FHIT: variants seen among roughly 807,000 people sequenced by gnomAD.
FHIT encodes fragile histidine triad diadenosine triphosphatase, also known as bis(5'-adenosyl)-triphosphatase.
Under a neutral mutation model 17.9 loss-of-function variants are expected in FHIT, and 19 were observed. The ratio of observed to expected loss-of-function variants is 1.06; its 90% CI spans 0.74 to 1.56. The LOEUF is 1.56. Ranked by LOEUF, FHIT falls within the 40% of genes most tolerant of loss-of-function variation. The pLI, the probability that FHIT is intolerant of heterozygous loss-of-function variation, is 0.00. For synonymous variants in FHIT, 81 were observed against 69.7 expected, an observed-to-expected ratio of 1.16 and a Z score of -0.81; for missense variants, 248 against 189.2, an observed-to-expected ratio of 1.31 and a Z score of -1.82.
chr3:60,031,448 C>T lies in FHIT; in HGVS notation c.104-17296G>A, dbSNP rs1002425627. Among the ~76,000 whole-genome samples, 11 of 152,226 alleles carry T rather than the reference C, an allele frequency of 7.2e-5. No homozygotes were observed. The South Asian group carries it at 1.0e-3, about 14-fold the overall frequency. On this transcript the variant is annotated intron_variant, in intron 5 of 9. Coordinates refer to ENST00000492590, the MANE Select transcript of FHIT (RefSeq NM_002012.4). ...CAACTAGTAAATGGTAGAACAGAAT[C>T]TGAATCCAGCATATGACCTGTGGAG...
intron 8 of FHIT, among the ~76,000 whole-genome samples, chr3:59,837,414 T>G (rs372913777): frequency 2.6e-4 from 40 of 152,220 alleles, no homozygotes; most frequent in Admixed American, 2.2e-3. Context: ...TATACTTTAT[T>G]GTTTAGGGAA....
At chr3:60,298,748 T>C (rs1377748549) in intron 5 of FHIT, among the ~76,000 whole-genome samples, 1 of 152,180 alleles carries the variant, frequency 6.6e-6, no homozygotes, top group East Asian at 1.9e-4. Context: ...AGCCTGCTAA[T>C]GTGTATGAAA....
intron 4 of FHIT, among the ~76,000 whole-genome samples, chr3:60,737,019 A>G (rs2042146879): frequency 6.6e-6 from 1 of 152,248 alleles, no homozygotes; most frequent in Non-Finnish European, 1.5e-5. Context: ...ATTTTCCCAG[A>G]TCACTTAGCT....
chr3:61,233,024 T>C (rs1269214481), intron 1 of FHIT, among the ~76,000 whole-genome samples: 2 of 152,198 alleles, frequency 1.3e-5, no homozygotes, highest in African/African-American at 2.4e-5. Context: ...GATGAGGGTA[T>C]GAGAAGAGGA....
chr3:60,474,903 G>A (rs1245965359), intron 5 of FHIT, among the ~76,000 whole-genome samples: 3 of 152,094 alleles, frequency 2.0e-5, no homozygotes, highest in Admixed American at 6.6e-5. Flanking sequence ...GATTACAGGC[G>A]TGAGCCACCG....
intron 4 of FHIT, among the ~76,000 whole-genome samples, chr3:60,568,198 G>C (rs2037211166): frequency 6.6e-6 from 1 of 152,076 alleles, no homozygotes; most frequent in African/African-American, 2.4e-5. Context: ...CAAAGACTTG[G>C]AACTGACCCA....
intron 8 of FHIT, among the ~76,000 whole-genome samples, chr3:59,757,238 GTCT>G (rs1372351439): frequency 6.6e-6 from 1 of 152,184 alleles, no homozygotes; most frequent in Non-Finnish European, 1.5e-5. Context: ...TTGAACCAAA[GTCT>G]TTATTCACAT....
intron 3 of FHIT, among the ~76,000 whole-genome samples, chr3:60,956,203 C>T (rs954197822): frequency 1.3e-5 from 2 of 152,068 alleles, no homozygotes; most frequent in Non-Finnish European, 2.9e-5. Flanking sequence ...CATCACAAAA[C>T]CCATATGTAA....
chr3:60,184,951 C>G (rs1702096975), intron 5 of FHIT, among the ~76,000 whole-genome samples: 3 of 152,194 alleles, frequency 2.0e-5, no homozygotes, highest in Admixed American at 1.3e-4. Context: ...CCCTTTAACA[C>G]ACTCCCATTA....
Position 60,369,101 on chromosome 3 carries a change from T to G in FHIT, c.103+167759A>C, listed in dbSNP as rs554652462. 2.7e-5 allele frequency among the ~76,000 whole-genome samples: 4 copies of G among 150,090 alleles called. No individual in the cohort carries two copies. In the South Asian group the frequency reaches 8.3e-4, roughly 31 times the overall value. Reference sequence around the variant, plus strand: ...AATCCTCCCACCTCAGCCTCCTGAGTAGCTCAAATCACAGGTGTGCACCAA... The same window carrying G: ...AATCCTCCCACCTCAGCCTCCTGAGGAGCTCAAATCACAGGTGTGCACCAA... On this transcript the variant is annotated intron_variant, in intron 5 of 9. Coordinates refer to ENST00000492590, the MANE Select transcript of FHIT (RefSeq NM_002012.4).
At chr3:60,875,040 C>T (rs893807356) in intron 3 of FHIT, among the ~76,000 whole-genome samples, 1 of 152,120 alleles carries the variant, frequency 6.6e-6, no homozygotes, top group Non-Finnish European at 1.5e-5. Context: ...TGTCAGGCAA[C>T]AGTAGATGCT....
intron 7 of FHIT, among the ~76,000 whole-genome samples, chr3:59,955,889 A>T (rs1707370442): frequency 6.6e-6 from 1 of 152,188 alleles, no homozygotes; most frequent in African/African-American, 2.4e-5. Flanking sequence ...GTATCTCCAC[A>T]GTCAGTTCTC....
intron 5 of FHIT, among the ~76,000 whole-genome samples, chr3:60,405,864 T>G (rs1412049102): frequency 6.6e-6 from 1 of 152,188 alleles, no homozygotes; most frequent in Non-Finnish European, 1.5e-5. Flanking sequence ...TAGACAACTC[T>G]TTGTTGTCTG....
chr3:59,808,197 G>T (rs1700278970), intron 8 of FHIT, among the ~76,000 whole-genome samples: 2 of 152,164 alleles, frequency 1.3e-5, no homozygotes, highest in South Asian at 4.1e-4. Context: ...GGCCTTTAGT[G>T]TCTGGGGAAG....
chr3:60,071,837 C>T (rs143775528), intron 5 of FHIT, among the ~76,000 whole-genome samples: 49 of 152,280 alleles, frequency 3.2e-4, no homozygotes, highest in African/African-American at 1.2e-3. Flanking sequence ...CCATGCTGTT[C>T]TCATGATAGT....
intron 5 of FHIT, among the ~76,000 whole-genome samples, chr3:60,056,102 C>G (rs1014901971): frequency 6.6e-6 from 1 of 152,170 alleles, no homozygotes; most frequent in African/African-American, 2.4e-5. Context: ...TCTGCAAATG[C>G]CAAGAGCATT....
chr3:60,472,966 A>G (rs998735498), intron 5 of FHIT, among the ~76,000 whole-genome samples: 2 of 152,176 alleles, frequency 1.3e-5, no homozygotes, highest in South Asian at 2.1e-4. Context: ...TTAGTGCTAT[A>G]TTATAGAAAT....
chr3:60,853,119 A>G (rs1553748902), intron 3 of FHIT, among the ~76,000 whole-genome samples: 1 of 151,996 alleles, frequency 6.6e-6, no homozygotes, highest in African/African-American at 2.4e-5. Flanking sequence ...TAGCCCTCCA[A>G]CTGAGTTTTC....
chr3:61,216,328 G>A (rs1346701608), intron 1 of FHIT, among the ~76,000 whole-genome samples: 1 of 152,182 alleles, frequency 6.6e-6, no homozygotes, highest in Non-Finnish European at 1.5e-5. Context: ...CAACAAGTGG[G>A]CGAAGGACAT....
Sources: gnomAD v4.1 joint callset for allele counts (sites outside exome capture counted in the v4.1 genomes callset) on GRCh38, gnomAD v4.1.1 for gene constraint, MANE v1.5 for transcripts, NCBI Gene and HGNC (gene_info 2026-07-23, HGNC 2026-07-21) for gene names.